The following LRRC4C variants were observed in gnomAD, a reference collection of about 807,000 sequenced individuals.
The protein encoded by LRRC4C is leucine-rich repeat-containing protein 4C.
A neutral mutation model predicts 33.6 loss-of-function variants in LRRC4C; 5 were observed. That is an observed-to-expected ratio of 0.15 (90% CI 0.08 to 0.31). The LOEUF is 0.31. LRRC4C is among the 10% of genes least tolerant of loss of function. LRRC4C has a pLI of 1.00. For missense variants in LRRC4C, 560 were observed against 796.7 expected (o/e 0.70, Z 3.58); for synonymous variants, 329 against 302.0 (o/e 1.09, Z -0.93).
chr11:40,602,286 G>A (rs1241058525), intron 3 of LRRC4C, among the ~76,000 whole-genome samples: 2 of 151,828 alleles, frequency 1.3e-5, no homozygotes, highest in Non-Finnish European at 2.9e-5. Flanking sequence ...CTGGTCTCAC[G>A]AAATATTTTA....
At chr11:40,834,880 A>G (rs1591835987) in intron 2 of LRRC4C, among the ~76,000 whole-genome samples, 1 of 127,204 alleles carries the variant, frequency 7.9e-6, no homozygotes, top group Non-Finnish European at 1.6e-5. Flanking sequence ...CAAAGAAAAG[A>G]CAGGCAGACA....
At chr11:40,680,030 C>A (rs1944603928) in intron 2 of LRRC4C, among the ~76,000 whole-genome samples, 1 of 152,102 alleles carries the variant, frequency 6.6e-6, no homozygotes, top group South Asian at 2.1e-4. Flanking sequence ...GGTGGCGCTA[C>A]CCAAGATTAT....
chr11:41,214,737 CAG>C (rs1372685196), intron 1 of LRRC4C, among the ~76,000 whole-genome samples: 4 of 146,116 alleles, frequency 2.7e-5, no homozygotes, highest in African/African-American at 1.0e-4. Flanking sequence ...GCGACAGAGC[CAG>C]ACTCCATCTC....
chr11:41,245,420 G>A (rs1020632785), intron 1 of LRRC4C, among the ~76,000 whole-genome samples: 6 of 152,194 alleles, frequency 3.9e-5, no homozygotes, highest in South Asian at 2.1e-4. Flanking sequence ...CAGGCATCCC[G>A]GCCAAGGCAT....
intron 3 of LRRC4C, among the ~76,000 whole-genome samples, chr11:40,540,663 T>A (rs997626617): frequency 1.3e-5 from 2 of 152,116 alleles, no homozygotes; most frequent in African/African-American, 4.8e-5. Context: ...GAAAAAAAAA[T>A]ATCAAGTATA....
chr11:40,631,980 A>G (rs1963516680), intron 3 of LRRC4C, among the ~76,000 whole-genome samples: 1 of 152,182 alleles, frequency 6.6e-6, no homozygotes, highest in African/African-American at 2.4e-5. Context: ...ATTCACTTGA[A>G]GCAGATATTA....
In LRRC4C at chr11:40,760,609, CT is replaced by C. The variant is rs1949160324; in HGVS notation, c.-406-112332del. Among the ~76,000 whole-genome samples the C allele has an allele frequency of 3.3e-5, 5 of 150,852 alleles. No individual in the cohort carries two copies. In the South Asian group the frequency reaches 1.0e-3, roughly 31 times the overall value. ...TAGGATTGTCCATGGAATAAACTTC[CT>C]TTTTTATTTTTATTTTTTGAGATGG... is the stretch of plus-strand genomic sequence containing the variant. On this transcript the variant is annotated intron_variant, in intron 2 of 6. Coordinates refer to ENST00000528697, the MANE Select transcript of LRRC4C (RefSeq NM_001258419.2).
chr11:41,395,397 T>C (rs1383754622), intron 1 of LRRC4C, among the ~76,000 whole-genome samples: 1 of 151,980 alleles, frequency 6.6e-6, no homozygotes, highest in African/African-American at 2.4e-5. Context: ...GTGTGGGTTA[T>C]ATAAGAATTA....
chr11:41,046,487 G>A (rs1857781987), intron 1 of LRRC4C, among the ~76,000 whole-genome samples: 1 of 152,128 alleles, frequency 6.6e-6, no homozygotes, highest in African/African-American at 2.4e-5. Flanking sequence ...GGGACAGAGA[G>A]GAAAAGAGAT....
At chr11:40,606,525 A>C (rs1297411026) in intron 3 of LRRC4C, among the ~76,000 whole-genome samples, 1 of 152,146 alleles carries the variant, frequency 6.6e-6, no homozygotes. Context: ...GAAATAAAGA[A>C]ACATGGCCCC....
At chr11:40,753,713 A>G in intron 2 of LRRC4C, among the ~76,000 whole-genome samples, 1 of 151,986 alleles carries the variant, frequency 6.6e-6, no homozygotes, top group Admixed American at 6.6e-5. Context: ...TGGGTATTCT[A>G]AAGTGCGTCA....
intron 3 of LRRC4C, among the ~76,000 whole-genome samples, chr11:40,603,754 C>T (rs951578431): frequency 1.1e-4 from 17 of 152,280 alleles, no homozygotes; most frequent in South Asian, 1.0e-3. Flanking sequence ...AATTTAGAGA[C>T]ACATTTCAGT....
intron 2 of LRRC4C, among the ~76,000 whole-genome samples, chr11:40,872,790 C>CT (rs1351889374): frequency 1.3e-5 from 2 of 152,012 alleles, no homozygotes; most frequent in African/African-American, 2.4e-5. Flanking sequence ...CTCATATGCT[C>CT]TAGGAAAAAA....
chr11:40,570,561 C>T (rs1957943849), intron 3 of LRRC4C, among the ~76,000 whole-genome samples: 1 of 152,094 alleles, frequency 6.6e-6, no homozygotes. Context: ...AATACTACTA[C>T]CATTTAAGGG....
At chr11:40,487,703 A>C (rs1953936565) in intron 3 of LRRC4C, among the ~76,000 whole-genome samples, 1 of 152,262 alleles carries the variant, frequency 6.6e-6, no homozygotes, top group East Asian at 1.9e-4. Context: ...AAAGGAATTT[A>C]TATAAATGGT....
rs142736515 is a variant in LRRC4C, at chr11:40,911,475, A to G, written c.-407+22160T>C. Reference sequence around the variant, plus strand: ...CTCCGGCAAACTCCAACAGACCTACAGCTGAGGGTCCTGACTCTTAGAAGG... The same window carrying G: ...CTCCGGCAAACTCCAACAGACCTACGGCTGAGGGTCCTGACTCTTAGAAGG... On this transcript the variant is annotated intron_variant, in intron 2 of 6. Transcript: ENST00000528697. 2.6e-3 allele frequency among the ~76,000 whole-genome samples: 394 copies of G among 152,344 alleles called. 3 individuals are homozygous for G. Among genetic ancestry groups the G allele is most frequent in the Non-Finnish European group, 4.5e-3 (309 of 68,028 alleles).
intron 2 of LRRC4C, among the ~76,000 whole-genome samples, chr11:40,763,048 C>A (rs572736005): frequency 6.7e-6 from 1 of 149,640 alleles, no homozygotes; most frequent in African/African-American, 2.5e-5. Context: ...TCCCTCTCTC[C>A]AAATATATAT....
chr11:40,486,173 G>A (rs913703188), intron 3 of LRRC4C, among the ~76,000 whole-genome samples: 15 of 147,460 alleles, frequency 1.0e-4, no homozygotes, highest in Non-Finnish European at 1.5e-4. Flanking sequence ...AAAAAAAAAG[G>A]AGCCAGAGTT....
At chr11:40,472,544 A>G (rs1437592685) in intron 3 of LRRC4C, among the ~76,000 whole-genome samples, 1 of 151,288 alleles carries the variant, frequency 6.6e-6, no homozygotes, top group African/African-American at 2.4e-5. Context: ...CATCACAATT[A>G]AAAGAACTAG....
Sources: allele counts gnomAD v4.1 joint callset (sites outside exome capture counted in the v4.1 genomes callset), GRCh38; gene constraint gnomAD v4.1.1; transcripts MANE v1.5; gene names NCBI Gene and HGNC (gene_info 2026-07-23, HGNC 2026-07-21).